Variants in PMS1 observed in about 807,000 individuals in gnomAD.
PMS1 encodes the protein PMS1 homolog 1, mismatch repair system component.
In PMS1, 79 loss-of-function variants were observed where a neutral mutation model predicts 93.1. The observed-to-expected ratio is 0.85, with a 90% CI of 0.71 to 1.02. The LOEUF (loss-of-function observed/expected upper bound fraction) is 1.02. Ranked by LOEUF, PMS1 falls within the 50% of genes least tolerant of loss-of-function variation. The pLI, the probability that PMS1 is intolerant of heterozygous loss-of-function variation, is 0.00. For missense variants in PMS1, 1,064 were observed against 1,085.3 expected (o/e 0.98, Z 0.28); for synonymous variants, 335 against 363.4 (o/e 0.92, Z 0.89).
chr2:189,818,871 G>A (rs1451786019), intron 5 of PMS1, among the ~76,000 whole-genome samples: 2 of 152,160 alleles, frequency 1.3e-5, no homozygotes, highest in Non-Finnish European at 2.9e-5. Flanking sequence ...ACAATTTAGT[G>A]ACATTTTTCA....
chr2:189,868,020 G>C, intron 11 of PMS1, 91 bp downstream of exon 11: 2 of 1,132,526 alleles, frequency 1.8e-6, no homozygotes, highest in South Asian at 2.5e-5. Flanking sequence ...CAGATATGGT[G>C]GTATATTTTT....
At chr2:189,860,800 A>ATTTTTTTTTTTTTTTTTTTTTT (rs1158514130) in intron 9 of PMS1, among the ~76,000 whole-genome samples, 1 of 41,028 alleles carries the variant, frequency 2.4e-5, no homozygotes, top group Non-Finnish European at 4.7e-5. Context: ...TCTTTGAGGA[A>ATTTTTTTTTTTTTTTTTTTTTT]TTTTTTTTTT....
At chr2:189,850,565 A>G (rs915868312) in intron 6 of PMS1, among the ~76,000 whole-genome samples, 13 of 152,278 alleles carry the variant, frequency 8.5e-5, no homozygotes, top group African/African-American at 3.1e-4. Context: ...TAGTTGTTGA[A>G]ACTATAGGTG....
At chr2:189,822,238 C>T (rs375795357) in intron 5 of PMS1, among the ~76,000 whole-genome samples, 180 of 152,296 alleles carry the variant, frequency 1.2e-3, no homozygotes, top group African/African-American at 4.1e-3. Flanking sequence ...GGGGAGAGTC[C>T]GATGCGCCTG....
intron 11 of PMS1, among the ~76,000 whole-genome samples, chr2:189,873,081 C>A (rs1391737536): frequency 6.6e-6 from 1 of 152,078 alleles, no homozygotes; most frequent in Non-Finnish European, 1.5e-5. Context: ...TTTTATAATT[C>A]GTAAGTTAAA....
At chr2:189,812,066 C>T (rs181713865) in intron 4 of PMS1, among the ~76,000 whole-genome samples, 32 of 152,196 alleles carry the variant, frequency 2.1e-4, no homozygotes, top group Non-Finnish European at 3.7e-4. Flanking sequence ...TTTGGGAGAC[C>T]GAGGCAGGTG....
At chr2:189,867,494 A>G (rs961899665) in intron 10 of PMS1, among the ~76,000 whole-genome samples, 4 of 152,274 alleles carry the variant, frequency 2.6e-5, no homozygotes, top group Non-Finnish European at 5.9e-5. Flanking sequence ...TCTGTTTTGA[A>G]GGAATAAAAT....
intron 4 of PMS1, chr2:189,806,423 G>A: frequency 3.2e-6 from 1 of 316,098 alleles, no homozygotes; most frequent in Non-Finnish European, 6.1e-6. Flanking sequence ...CCTGAGACAG[G>A]GTCTCACTCT....
At chr2:189,848,089 T>C (rs925966197) in intron 6 of PMS1, among the ~76,000 whole-genome samples, 1 of 152,186 alleles carries the variant, frequency 6.6e-6, no homozygotes, top group Non-Finnish European at 1.5e-5. Flanking sequence ...CCAGTGCTAC[T>C]TCAAACTGGT....
chr2:189,874,611 T>G lies in PMS1; in HGVS notation c.2634+955T>G, dbSNP rs569950912. 2.0e-5 allele frequency among the ~76,000 whole-genome samples: 3 copies of G among 152,368 alleles called. No homozygotes were observed. The South Asian group carries it at 6.2e-4, about 32-fold the overall frequency. On this transcript the variant is annotated intron_variant, in intron 12 of 12. Transcript: ENST00000441310. ...ACAAACCTGAACTCTAATGAAGTTT[T>G]TCTCCCTTTTTAAAAATGAGCCATT...
intron 4 of PMS1, among the ~76,000 whole-genome samples, chr2:189,810,006 TCTTC>T: frequency 6.6e-6 from 1 of 152,348 alleles, no homozygotes; most frequent in African/African-American, 2.4e-5. Flanking sequence ...TTGATTTCTG[TCTTC>T]CTTCTGTCTA....
At chr2:189,802,343 A>T (rs5743003) in intron 3 of PMS1, among the ~76,000 whole-genome samples, 7,154 of 152,314 alleles carry the variant, frequency 0.047, 273 homozygotes, top group African/African-American at 0.099. Context: ...TTCTTATAAT[A>T]AACTAGTGAA....
chr2:189,857,795 ATATAAGGAATTAGGGGAAAACTTGGCAGT>A (rs1035169985), intron 9 of PMS1, among the ~76,000 whole-genome samples: 1 of 152,128 alleles, frequency 6.6e-6, no homozygotes, highest in Non-Finnish European at 1.5e-5. Flanking sequence ...CAAGTTTTAA[ATATAAGGAATTAGGGGAAAACTTGGCAGT>A]TGGACTTAAT....
At chr2:189,813,708 T>C (rs2051036353) in intron 4 of PMS1, among the ~76,000 whole-genome samples, 2 of 152,316 alleles carry the variant, frequency 1.3e-5, no homozygotes, top group Admixed American at 6.5e-5. Context: ...ATGCAAAGCA[T>C]TGAAATTGAT....
At chr2:189,785,846 TG>T (rs1445428037) in intron 1 of PMS1, among the ~76,000 whole-genome samples, 1 of 152,086 alleles carries the variant, frequency 6.6e-6, no homozygotes, top group Non-Finnish European at 1.5e-5. Flanking sequence ...ACAAGTTGGC[TG>T]GGCACGGTGG....
chr2:189,805,608 CA>C, intron 3 of PMS1, 43 bp from the exon 4 acceptor site: 1 of 1,410,222 alleles, frequency 7.1e-7, no homozygotes, highest in Admixed American at 1.7e-5. Flanking sequence ...GAACCCATCG[CA>C]ATATCTAAAG....
chr2:189,837,692 C>G (rs1420904814), intron 5 of PMS1, among the ~76,000 whole-genome samples: 1 of 152,010 alleles, frequency 6.6e-6, no homozygotes, highest in South Asian at 2.1e-4. Context: ...AGATCTATAC[C>G]CAAGAGAAAT....
At chr2:189,837,164 G>GT (rs112928963) in intron 5 of PMS1, among the ~76,000 whole-genome samples, 13,509 of 143,304 alleles carry the variant, frequency 0.094, 769 homozygotes, top group African/African-American at 0.16. Flanking sequence ...TAAGTTTGGT[G>GT]TTTTTTTTTT....
intron 3 of PMS1, among the ~76,000 whole-genome samples, chr2:189,798,759 T>G (rs958811938): frequency 3.5e-4 from 25 of 72,402 alleles, no homozygotes; most frequent in Middle Eastern, 7.6e-3. Context: ...AGTATTTGAT[T>G]TTTTTTTTTT....
Sources: allele counts gnomAD v4.1 joint callset (sites outside exome capture counted in the v4.1 genomes callset), GRCh38; gene constraint gnomAD v4.1.1; transcripts MANE v1.5; gene names NCBI Gene and HGNC (gene_info 2026-07-23, HGNC 2026-07-21).